Variants in C3orf70 observed in about 807,000 individuals in gnomAD.
C3orf70 encodes UPF0524 protein C3orf70.
Under a neutral mutation model 20.7 loss-of-function variants are expected in C3orf70, and 15 were observed. That is an observed-to-expected ratio of 0.72 (90% CI 0.48 to 1.11). C3orf70 has a LOEUF of 1.11. Ranked by LOEUF, C3orf70 falls within the 50% of genes most tolerant of loss-of-function variation. The pLI is 0.00. For missense variants in C3orf70, 332 were observed against 317.6 expected (o/e 1.05, Z -0.34); for synonymous variants, 161 against 125.7 (o/e 1.28, Z -1.88).
chr3:185,094,474 A>C (rs888827841), intron 1 of C3orf70, among the ~76,000 whole-genome samples: 1 of 152,024 alleles, frequency 6.6e-6, no homozygotes, highest in Non-Finnish European at 1.5e-5. Context: ...GAGCCGGTGG[A>C]TATGAAGAGC....
intron 1 of C3orf70, among the ~76,000 whole-genome samples, chr3:185,110,312 C>G (rs555574031): frequency 1.3e-5 from 2 of 152,350 alleles, no homozygotes; most frequent in East Asian, 1.9e-4. Flanking sequence ...ATGCCAGGAA[C>G]TGGAGTGCTT....
At chr3:185,143,398 A>G (rs1335792494) in intron 1 of C3orf70, among the ~76,000 whole-genome samples, 1 of 152,182 alleles carries the variant, frequency 6.6e-6, no homozygotes, top group East Asian at 1.9e-4. Flanking sequence ...TGAGATAGAG[A>G]TATACAGAAG....
intron 1 of C3orf70, among the ~76,000 whole-genome samples, chr3:185,133,562 G>A (rs1185264492): frequency 1.3e-5 from 2 of 151,982 alleles, no homozygotes; most frequent in Non-Finnish European, 2.9e-5. Flanking sequence ...GGCCATCACA[G>A]CAAAACCCTG....
chr3:185,142,983 A>C (rs1716789208), intron 1 of C3orf70, among the ~76,000 whole-genome samples: 1 of 152,212 alleles, frequency 6.6e-6, no homozygotes, highest in Non-Finnish European at 1.5e-5. Flanking sequence ...AAGTGGCTAA[A>C]GTTACCTAAC....
intron 1 of C3orf70, among the ~76,000 whole-genome samples, chr3:185,124,234 A>G (rs1270678341): frequency 6.6e-6 from 1 of 152,206 alleles, no homozygotes; most frequent in African/African-American, 2.4e-5. Context: ...GGGATCCTGA[A>G]ATCAATCCCC....
At chr3:185,140,797 A>C (rs897291963) in intron 1 of C3orf70, among the ~76,000 whole-genome samples, 158 of 150,992 alleles carry the variant, frequency 1.0e-3, no homozygotes, top group African/African-American at 3.6e-3. Flanking sequence ...AAAAAAAAAA[A>C]AAAAAAAGAA....
chr3:185,108,300 A>G (rs1715990256), intron 1 of C3orf70, among the ~76,000 whole-genome samples: 1 of 152,234 alleles, frequency 6.6e-6, no homozygotes, highest in Non-Finnish European at 1.5e-5. Flanking sequence ...CAGATGTCCT[A>G]TACTTCAGAT....
At chr3:185,103,918 G>A (rs1044852689) in intron 1 of C3orf70, among the ~76,000 whole-genome samples, 2 of 152,140 alleles carry the variant, frequency 1.3e-5, no homozygotes, top group Admixed American at 1.3e-4. Flanking sequence ...CAGGGAGGAG[G>A]GGGACTTACC....
At chr3:185,128,869 T>C (rs1317698198) in intron 1 of C3orf70, among the ~76,000 whole-genome samples, 1 of 152,168 alleles carries the variant, frequency 6.6e-6, no homozygotes, top group Admixed American at 6.5e-5. Context: ...CTTTCTTAAG[T>C]TCTAGAGAAC....
chr3:185,118,551 T>C (rs376292197), intron 1 of C3orf70, among the ~76,000 whole-genome samples: 1 of 152,182 alleles, frequency 6.6e-6, no homozygotes, highest in African/African-American at 2.4e-5. Context: ...TATACACATA[T>C]TGCACTTTGT....
intron 1 of C3orf70, among the ~76,000 whole-genome samples, chr3:185,129,819 T>C (rs1246484233): frequency 6.6e-6 from 1 of 152,252 alleles, no homozygotes; most frequent in African/African-American, 2.4e-5. Flanking sequence ...TGCTTATTCA[T>C]TTTGAATTAA....
intron 1 of C3orf70, among the ~76,000 whole-genome samples, chr3:185,085,041 G>A (rs766682115): frequency 5.3e-5 from 8 of 152,008 alleles, no homozygotes; most frequent in African/African-American, 1.7e-4. Context: ...CAGCATCCTC[G>A]GCCTCTCCCC....
chr3:185,115,270 T>C (rs933230617), intron 1 of C3orf70, among the ~76,000 whole-genome samples: 2 of 152,210 alleles, frequency 1.3e-5, no homozygotes, highest in African/African-American at 4.8e-5. Context: ...TCCCCTGTTT[T>C]GGCTGTAGTC....
chr3:185,131,164 G>A (rs1716515049), intron 1 of C3orf70, among the ~76,000 whole-genome samples: 1 of 152,166 alleles, frequency 6.6e-6, no homozygotes, highest in Non-Finnish European at 1.5e-5. Flanking sequence ...GTGTGAAGTG[G>A]TATTCATTAC....
intron 1 of C3orf70, among the ~76,000 whole-genome samples, chr3:185,094,811 T>C (rs184882266): frequency 6.6e-6 from 1 of 152,278 alleles, no homozygotes; most frequent in African/African-American, 2.4e-5. Flanking sequence ...AATACAGTTA[T>C]TGGTTAGAAA....
At chr3:185,116,789 T>G (rs890611081) in intron 1 of C3orf70, among the ~76,000 whole-genome samples, 1 of 152,026 alleles carries the variant, frequency 6.6e-6, no homozygotes, top group African/African-American at 2.4e-5. Flanking sequence ...ACATTTTTTT[T>G]TTTTTTTGAG....
intron 1 of C3orf70, among the ~76,000 whole-genome samples, chr3:185,128,684 T>G (rs1225476194): frequency 6.6e-6 from 1 of 152,252 alleles, no homozygotes; most frequent in Admixed American, 6.5e-5. Context: ...GTTGACAATT[T>G]CTTCAGTTTC....
chr3:185,098,536 A>G (rs942113303), intron 1 of C3orf70, among the ~76,000 whole-genome samples: 1 of 152,216 alleles, frequency 6.6e-6, no homozygotes, highest in African/African-American at 2.4e-5. Flanking sequence ...GAAAATCTAT[A>G]GTTTTCCCAT....
At chr3:185,133,486 T>C (rs1404367995) in intron 1 of C3orf70, among the ~76,000 whole-genome samples, 10 of 152,298 alleles carry the variant, frequency 6.6e-5, no homozygotes, top group Admixed American at 6.5e-4. Context: ...CTCATGCCTA[T>C]AATCCCAGCA....
Sources: gnomAD v4.1 joint callset for allele counts (sites outside exome capture counted in the v4.1 genomes callset) on GRCh38, gnomAD v4.1.1 for gene constraint, MANE v1.5 for transcripts, NCBI Gene and HGNC (gene_info 2026-07-23, HGNC 2026-07-21) for gene names.